Variants in HIVEP1 observed in about 807,000 individuals in gnomAD.
HIVEP1 encodes HIVEP zinc finger 1.
Under a neutral mutation model 180.0 loss-of-function variants are expected in HIVEP1, and 36 were observed. That is an observed-to-expected ratio of 0.20 (90% CI 0.15 to 0.26). The LOEUF (loss-of-function observed/expected upper bound fraction) is 0.26, where lower values mean the gene tolerates loss of function less well. Ranked by LOEUF, HIVEP1 falls within the 10% of genes least tolerant of loss-of-function variation. The pLI is 1.00. For synonymous variants in HIVEP1, 1,239 were observed against 1,239.0 expected, an observed-to-expected ratio of 1.00 and a Z score of 0.00; for missense variants, 3,143 against 3,268.7, an observed-to-expected ratio of 0.96 and a Z score of 0.94.
intron 2 of HIVEP1, among the ~76,000 whole-genome samples, chr6:12,067,272 T>C (rs1771659751): frequency 1.3e-5 from 2 of 152,188 alleles, no homozygotes; most frequent in Non-Finnish European, 2.9e-5. Flanking sequence ...TTTATTGAAG[T>C]GTATCACTTA....
In HIVEP1 at chr6:12,124,156, C is replaced by G; in HGVS notation, c.4361C>G (p.Thr1454Ser). 6.2e-7 allele frequency: 1 copy of G among 1,614,154 alleles called. No homozygotes were observed. The highest frequency in any genetic ancestry group is 2.2e-5 in the East Asian group (1 of 44,890). The change falls in exon 4 of 9, where the codon ACT becomes AGT. Residue 1454 changes from threonine (T) to serine (S), a missense_variant. Around this residue, in one of 12 missense-constraint regions of HIVEP1, gnomAD observed 1,357 missense variants for 1,260.5 expected, o/e 1.08. Coordinates refer to ENST00000379388, the MANE Select transcript of HIVEP1 (RefSeq NM_002114.4). ...GTACACCCAACATCTTTCCAAAATA[C>G]TGCTCTTCCCAGTGTGAATGCAGTG... ...SPVHPTSFQNTALPSVNAVPY... is the reference protein window; with the variant it reads ...SPVHPTSFQNSALPSVNAVPY...
the HIVEP1 span, among the ~76,000 whole-genome samples, chr6:12,196,316 T>C: frequency 2.0e-5 from 3 of 152,226 alleles, no homozygotes; most frequent in Non-Finnish European, 4.4e-5. Context: ...ATAAGAGGTA[T>C]GTTCTATTTA....
chr6:12,211,359 C>T, the HIVEP1 span, among the ~76,000 whole-genome samples: 1 of 106,070 alleles, frequency 9.4e-6, no homozygotes, highest in Admixed American at 8.9e-5. Context: ...GAGATCGCGC[C>T]ACTGCACTCC....
At chr6:12,183,776 T>C in the HIVEP1 span, among the ~76,000 whole-genome samples, 13 of 152,202 alleles carry the variant, frequency 8.5e-5, no homozygotes, top group Non-Finnish European at 1.3e-4. Context: ...TATATCGTAA[T>C]AATTTTGTTA....
rs1249366511 is a variant in HIVEP1, at chr6:12,124,883, T to C, written c.5088T>C (p.Ala1696=). 1 of 1,614,200 alleles carries C rather than the reference T, an allele frequency of 6.2e-7. No homozygotes were observed. The highest frequency in any genetic ancestry group is 1.7e-5 in the Admixed American group (1 of 60,020). The change falls in exon 4 of 9, where the codon GCT becomes GCC. Residue 1696 remains alanine (A), a synonymous_variant. Coordinates refer to ENST00000379388, the MANE Select transcript of HIVEP1 (RefSeq NM_002114.4). ...VPTLQKGHQN[A]LPNPEKEFLC... Reference sequence around the variant, plus strand: ...CATTACAAAAAGGTCATCAGAATGCTTTGCCAAACCCAGAGAAGGAATTTC... The same window carrying C: ...CATTACAAAAAGGTCATCAGAATGCCTTGCCAAACCCAGAGAAGGAATTTC...
At chr6:12,016,906 A>G (rs1204580400) in intron 2 of HIVEP1, among the ~76,000 whole-genome samples, 1 of 152,206 alleles carries the variant, frequency 6.6e-6, no homozygotes, top group Non-Finnish European at 1.5e-5. Context: ...ATTTGGAGAC[A>G]TGGGCCCTGC....
the HIVEP1 span, among the ~76,000 whole-genome samples, chr6:12,209,740 A>G: frequency 6.6e-6 from 1 of 152,328 alleles, no homozygotes; most frequent in East Asian, 1.9e-4. Flanking sequence ...GCATAGATAC[A>G]CTTAATGTAG....
chr6:12,145,426 G>A (rs1759311552), intron 7 of HIVEP1, among the ~76,000 whole-genome samples: 1 of 150,824 alleles, frequency 6.6e-6, no homozygotes, highest in Admixed American at 6.6e-5. Context: ...TAAATGACTA[G>A]TTTATGGGTG....
At chr6:12,115,350 CTTTTTTTTTTTTTTT>C (rs34074662) in intron 3 of HIVEP1, among the ~76,000 whole-genome samples, 3 of 75,296 alleles carry the variant, frequency 4.0e-5, no homozygotes, top group Admixed American at 3.9e-4. Flanking sequence ...CCCAACTATT[CTTTTTTTTTTTTTTT>C]TTTTTTTTTT....
intron 2 of HIVEP1, among the ~76,000 whole-genome samples, chr6:12,080,907 C>T (rs78722360): frequency 0.021 from 3,241 of 152,176 alleles, 126 homozygotes; most frequent in African/African-American, 0.073. Context: ...TTGTCCATAA[C>T]CACTCTGGAT....
chr6:12,115,139 G>A (rs1775135634), intron 3 of HIVEP1, among the ~76,000 whole-genome samples: 1 of 152,100 alleles, frequency 6.6e-6, no homozygotes, highest in Admixed American at 6.5e-5. Context: ...CAACTAAGAT[G>A]CACTCTTGAG....
chr6:12,174,333 T>A, the HIVEP1 span, among the ~76,000 whole-genome samples: 20,539 of 152,156 alleles, frequency 0.13, 2,231 homozygotes, highest in African/African-American at 0.3. Context: ...TTATTTTTTT[T>A]AAATCAGACC....
intron 7 of HIVEP1, among the ~76,000 whole-genome samples, chr6:12,152,179 GACA>G (rs998238593): frequency 6.6e-6 from 1 of 151,934 alleles, no homozygotes; most frequent in Admixed American, 6.6e-5. Context: ...AACAAAAAAA[GACA>G]ACAACAAAAA....
At chr6:12,209,483 C>T in the HIVEP1 span, among the ~76,000 whole-genome samples, 1 of 152,174 alleles carries the variant, frequency 6.6e-6, no homozygotes, top group Non-Finnish European at 1.5e-5. Context: ...TCCCAGCACC[C>T]TATATAATGT....
At chr6:12,159,466 C>T (rs3777755) in intron 7 of HIVEP1, among the ~76,000 whole-genome samples, 34,979 of 152,038 alleles carry the variant, frequency 0.23, 4,870 homozygotes, top group Non-Finnish European at 0.31. Flanking sequence ...TCGAATTTTA[C>T]AATGCCAAAC....
At chr6:12,052,421 T>C (rs1016127425) in intron 2 of HIVEP1, among the ~76,000 whole-genome samples, 1 of 152,250 alleles carries the variant, frequency 6.6e-6, no homozygotes, top group Non-Finnish European at 1.5e-5. Context: ...CCTCCAATAG[T>C]ACATGAAACT....
chr6:12,066,823 G>C (rs996404386), intron 2 of HIVEP1, among the ~76,000 whole-genome samples: 3 of 151,870 alleles, frequency 2.0e-5, no homozygotes, highest in African/African-American at 7.3e-5. Flanking sequence ...AAGGCATTAT[G>C]TTTATATATA....
chr6:12,143,311 A>C (rs1210372876), intron 7 of HIVEP1, among the ~76,000 whole-genome samples: 1 of 152,240 alleles, frequency 6.6e-6, no homozygotes, highest in Non-Finnish European at 1.5e-5. Context: ...TAGATGCAGA[A>C]AAGGCTTTCA....
intron 2 of HIVEP1, among the ~76,000 whole-genome samples, chr6:12,087,997 G>C (rs115513564): frequency 0.01 from 1,532 of 152,256 alleles, 27 homozygotes; most frequent in African/African-American, 0.035. Context: ...CCTTTGTTCT[G>C]TTCTCCCACT....
Sources: allele counts gnomAD v4.1 joint callset (sites outside exome capture counted in the v4.1 genomes callset), GRCh38; gene constraint gnomAD v4.1.1; regional missense constraint gnomAD v4.1.1; transcripts MANE v1.5; gene names NCBI Gene and HGNC (gene_info 2026-07-23, HGNC 2026-07-21).